CNTNAP2: variants seen among roughly 807,000 people sequenced by gnomAD.
CNTNAP2 encodes the protein contactin-associated protein-like 2.
CNTNAP2 carries 98 observed loss-of-function variants against 155.2 expected under a neutral mutation model. The observed-to-expected ratio is 0.63, with a 90% CI of 0.54 to 0.75. The LOEUF (loss-of-function observed/expected upper bound fraction) is 0.75. Among genes scored for constraint, CNTNAP2 ranks in the 30% least tolerant of loss-of-function variants. CNTNAP2 has a pLI of 0.00. For synonymous variants in CNTNAP2, 651 were observed against 631.2 expected, an observed-to-expected ratio of 1.03 and a Z score of -0.47; for missense variants, 1,727 against 1,688.1, an observed-to-expected ratio of 1.02 and a Z score of -0.40.
intron 12 of CNTNAP2, among the ~76,000 whole-genome samples, chr7:147,607,606 G>A (rs1801096532): frequency 6.6e-6 from 1 of 152,158 alleles, no homozygotes; most frequent in South Asian, 2.1e-4. Context: ...ATCTTCCCAT[G>A]TTTGAAGACA....
intron 3 of CNTNAP2, among the ~76,000 whole-genome samples, chr7:146,969,230 A>C (rs1358469213): frequency 6.6e-6 from 1 of 152,064 alleles, no homozygotes; most frequent in Non-Finnish European, 1.5e-5. Context: ...TTTACTTCCA[A>C]CTATGTGGTC....
At chr7:147,623,302 G>C (rs1262414669) in intron 12 of CNTNAP2, among the ~76,000 whole-genome samples, 1 of 151,982 alleles carries the variant, frequency 6.6e-6, no homozygotes, top group Admixed American at 6.6e-5. Flanking sequence ...AATTGGAGTG[G>C]AAGAAGTCAT....
chr7:148,288,722 A>G (rs180674699), intron 21 of CNTNAP2, among the ~76,000 whole-genome samples: 22 of 152,264 alleles, frequency 1.4e-4, no homozygotes, highest in African/African-American at 4.6e-4. Flanking sequence ...CCTTTTCAAA[A>G]GAGTCAAACA....
chr7:146,849,319 G>T (rs1794827441), intron 3 of CNTNAP2, among the ~76,000 whole-genome samples: 1 of 152,090 alleles, frequency 6.6e-6, no homozygotes, highest in Admixed American at 6.6e-5. Flanking sequence ...AATAAGCTGA[G>T]GCTGAGAACC....
intron 8 of CNTNAP2, among the ~76,000 whole-genome samples, chr7:147,284,743 T>A (rs1008128927): frequency 7.9e-5 from 12 of 151,710 alleles, no homozygotes; most frequent in African/African-American, 2.9e-4. Context: ...CCACTAGGAG[T>A]AAGAAAAACT....
intron 11 of CNTNAP2, among the ~76,000 whole-genome samples, chr7:147,527,632 G>T (rs546443721): frequency 1.3e-5 from 2 of 152,190 alleles, no homozygotes; most frequent in African/African-American, 4.8e-5. Context: ...TTACATAGCA[G>T]AATTTAAATT....
rs77214011 is a variant in CNTNAP2, at chr7:146,677,820, G to A, written c.98-96451G>A. Among the ~76,000 whole-genome samples the A allele has an allele frequency of 6.3e-3, 957 of 152,062 alleles. 9 individuals are homozygous for A. Among genetic ancestry groups the A allele is most frequent in the African/African-American group, 0.022 (915 of 41,458 alleles). ...AAATTCCAGAAACAAGAGGATAAGG[G>A]GTGAAGCAGCTAATCAGGAACAAAA... On this transcript the variant is annotated intron_variant, in intron 1 of 23. Transcript: ENST00000361727.
At chr7:148,033,937 G>A (rs2116466818) in intron 15 of CNTNAP2, among the ~76,000 whole-genome samples, 1 of 152,142 alleles carries the variant, frequency 6.6e-6, no homozygotes, top group South Asian at 2.1e-4. Context: ...GGAGAAACAG[G>A]TAGCCAGTGA....
At chr7:147,668,840 C>T (rs140443182) in intron 13 of CNTNAP2, among the ~76,000 whole-genome samples, 2,483 of 152,218 alleles carry the variant, frequency 0.016, 221 homozygotes, top group Admixed American at 0.15. Context: ...CTTCTGGCAT[C>T]TACAGTAGTG....
rs576176423 is a variant in CNTNAP2 at position 147,317,445 on chromosome 7, C to A, written c.1498+17155C>A. On this transcript the variant is annotated intron_variant, in intron 9 of 23. Transcript: ENST00000361727. Reference sequence around the variant, plus strand: ...CACACATCATTCATCCTCACCCAGCCTTCTGCTTCTGTGCACCAGCATCAT... The same window carrying A: ...CACACATCATTCATCCTCACCCAGCATTCTGCTTCTGTGCACCAGCATCAT... Among the ~76,000 whole-genome samples, 5 of 152,332 alleles carry A rather than the reference C, an allele frequency of 3.3e-5. No homozygotes were observed. In the East Asian group the frequency reaches 7.7e-4, roughly 24 times the overall value.
chr7:148,264,591 C>CT (rs1188941262), intron 20 of CNTNAP2, among the ~76,000 whole-genome samples: 2 of 152,264 alleles, frequency 1.3e-5, no homozygotes, highest in East Asian at 1.9e-4. Context: ...TAGCAGGCAA[C>CT]TTTTTTTCCG....
At chr7:146,692,153 C>G (rs1474210873) in intron 1 of CNTNAP2, among the ~76,000 whole-genome samples, 1 of 152,114 alleles carries the variant, frequency 6.6e-6, no homozygotes, top group Non-Finnish European at 1.5e-5. Flanking sequence ...TGCAGTCTTA[C>G]GTAGTCTTCT....
At chr7:146,601,914 G>T (rs935121969) in intron 1 of CNTNAP2, among the ~76,000 whole-genome samples, 3 of 151,806 alleles carry the variant, frequency 2.0e-5, no homozygotes, top group African/African-American at 4.8e-5. Context: ...TAAAGTGGTA[G>T]CAATTAGAAG....
chr7:146,665,782 T>TAAAAAA (rs1563179387), intron 1 of CNTNAP2, among the ~76,000 whole-genome samples: 1 of 8,560 alleles, frequency 1.2e-4, no homozygotes, highest in Non-Finnish European at 3.6e-4. Context: ...CTCTGTCTCA[T>TAAAAAA]TAAAAAAAAA....
intron 13 of CNTNAP2, among the ~76,000 whole-genome samples, chr7:147,851,311 T>C (rs1000212597): frequency 1.2e-4 from 19 of 152,198 alleles, no homozygotes; most frequent in Non-Finnish European, 2.5e-4. Flanking sequence ...GGAACACTTT[T>C]ACACTGTTGG....
intron 18 of CNTNAP2, among the ~76,000 whole-genome samples, chr7:148,197,458 C>A (rs891790985): frequency 2.0e-5 from 3 of 152,140 alleles, no homozygotes; most frequent in African/African-American, 7.2e-5. Context: ...AAGAAAAATT[C>A]TCCCTAGAAT....
chr7:147,717,126 GGA>G (rs1433131572), intron 13 of CNTNAP2, among the ~76,000 whole-genome samples: 1 of 151,928 alleles, frequency 6.6e-6, no homozygotes, highest in Non-Finnish European at 1.5e-5. Context: ...GAAAAAAAAA[GGA>G]GAGTCAATCA....
intron 9 of CNTNAP2, among the ~76,000 whole-genome samples, chr7:147,342,815 A>T (rs1391659782): frequency 6.6e-6 from 1 of 152,224 alleles, no homozygotes; most frequent in Admixed American, 6.5e-5. Flanking sequence ...TCTGAAATAA[A>T]ATAACTAAGA....
At chr7:147,859,135 CAT>C (rs542176469) in intron 13 of CNTNAP2, among the ~76,000 whole-genome samples, 63 of 152,204 alleles carry the variant, frequency 4.1e-4, no homozygotes, top group Middle Eastern at 3.4e-3. Context: ...TTTTTTCAAG[CAT>C]ATGTTACCAA....
Sources: gnomAD v4.1 joint callset for allele counts (sites outside exome capture counted in the v4.1 genomes callset) on GRCh38, gnomAD v4.1.1 for gene constraint, MANE v1.5 for transcripts, NCBI Gene and HGNC (gene_info 2026-07-23, HGNC 2026-07-21) for gene names.